CELF2: variants seen among roughly 807,000 people sequenced by gnomAD.
CELF2 encodes the protein CUG triplet repeat RNA-binding protein 2.
CELF2 carries 8 observed loss-of-function variants against 62.6 expected under a neutral mutation model. The observed-to-expected ratio is 0.13, with a 90% confidence interval of 0.07 to 0.23. The LOEUF is 0.23. CELF2 is among the 10% of genes least tolerant of loss of function. The pLI is 1.00. For missense variants in CELF2, 333 were observed against 671.0 expected (o/e 0.50, Z 5.56); for synonymous variants, 258 against 250.0 (o/e 1.03, Z -0.30).
In CELF2 at chr10:11,329,160, TTACCAAGAGAGACGGTTA is replaced by T; in HGVS notation, c.*109_*126del. On this transcript the variant is annotated 3_prime_UTR_variant, in exon 13 of 13. Coordinates refer to ENST00000633077, the MANE Select transcript of CELF2 (RefSeq NM_001326342.2). The surrounding 1 kb of genome is among the most constrained non-coding windows in gnomAD (Gnocchi z 5.5). The stretch of plus-strand genomic sequence containing the variant: ...CAGAGGAGGACCACATTGCCAACTT[TTACCAAGAGAGACGGTTA>T]TTTTTACAATAAGGCCTCCATGTCC... 8.3e-7 allele frequency: 1 copy of T among 1,206,708 alleles called. No individual in the cohort carries two copies. The highest frequency in any genetic ancestry group is 1.1e-6 in the Non-Finnish European group (1 of 880,920). The allele number at this position is 1,206,708 out of a possible 1,614,324, so 74.8% of individuals were successfully genotyped here.
chr10:10,717,243 G>A, the CELF2 span, among the ~76,000 whole-genome samples: 2 of 152,152 alleles, frequency 1.3e-5, no homozygotes, highest in African/African-American at 2.4e-5. Flanking sequence ...TTGTGAAGTA[G>A]CAATGGCTCA....
chr10:11,286,313 C>T (rs1317344148), intron 8 of CELF2, among the ~76,000 whole-genome samples: 1 of 152,218 alleles, frequency 6.6e-6, no homozygotes, highest in African/African-American at 2.4e-5. Context: ...TTAATCGGTG[C>T]CATATGCATA....
chr10:11,041,738 T>C lies in CELF2; in HGVS notation c.74+23575T>C, dbSNP rs1564486250. The stretch of plus-strand genomic sequence containing the variant: ...TTTTCATGCTGTGAATCCAGTGGGA[T>C]CTCTGATCCTTCCATCAGGACATAA... On this transcript the variant is annotated intron_variant, in intron 1 of 12. Transcript: ENST00000633077. Among the ~76,000 whole-genome samples the C allele has an allele frequency of 2.0e-5, 3 of 152,222 alleles. No individual in the cohort carries two copies. In the South Asian group the frequency reaches 6.2e-4, roughly 31 times the overall value.
intron 1 of CELF2, chr10:11,096,184 A>G (rs1477489056): frequency 6.6e-6 from 1 of 152,262 alleles, no homozygotes. Context: ...AATGCATTTC[A>G]GCAAGGTAAT....
chr10:10,843,431 C>CAT (rs2058813528), intron 1 of CELF2, among the ~76,000 whole-genome samples: 1 of 151,910 alleles, frequency 6.6e-6, no homozygotes, highest in Non-Finnish European at 1.5e-5. Flanking sequence ...GATAATGCTA[C>CAT]ATATTTCCCT....
the CELF2 span, among the ~76,000 whole-genome samples, chr10:10,484,397 A>C: frequency 7.7e-6 from 1 of 129,738 alleles, no homozygotes; most frequent in African/African-American, 3.0e-5. Flanking sequence ...GCTCATTGCA[A>C]CCTCTGCCCC....
chr10:10,961,132 G>A (rs1178550654), intron 2 of CELF2, among the ~76,000 whole-genome samples: 1 of 152,134 alleles, frequency 6.6e-6, no homozygotes, highest in Non-Finnish European at 1.5e-5. Flanking sequence ...GAAATTGGAA[G>A]GCATCTGTTG....
At chr10:10,601,356 G>C in the CELF2 span, among the ~76,000 whole-genome samples, 1 of 152,192 alleles carries the variant, frequency 6.6e-6, no homozygotes, top group Non-Finnish European at 1.5e-5. Flanking sequence ...GTTAGAAGAA[G>C]ATTTTAATGG....
the CELF2 span, among the ~76,000 whole-genome samples, chr10:10,572,533 A>G: frequency 4.0e-5 from 6 of 151,376 alleles, no homozygotes; most frequent in African/African-American, 1.2e-4. Context: ...ACAAGCCCCA[A>G]TGTGTGTTGT....
chr10:11,273,576 C>T (rs1364246925), intron 7 of CELF2, among the ~76,000 whole-genome samples: 1 of 152,160 alleles, frequency 6.6e-6, no homozygotes, highest in Non-Finnish European at 1.5e-5. Flanking sequence ...CTGCTTGGCG[C>T]TGTTACCTCA....
chr10:11,327,530 C>T (rs2095815491), intron 12 of CELF2, among the ~76,000 whole-genome samples: 1 of 152,114 alleles, frequency 6.6e-6, no homozygotes, highest in Non-Finnish European at 1.5e-5. Flanking sequence ...CTTAGGGCTG[C>T]CAGTCATAAG....
chr10:11,230,977 G>C (rs916985498), intron 3 of CELF2, among the ~76,000 whole-genome samples: 1 of 152,144 alleles, frequency 6.6e-6, no homozygotes, highest in African/African-American at 2.4e-5. Flanking sequence ...TGTGTCTCTT[G>C]CTATCCGCAG....
chr10:10,967,825 A>G (rs1365989186), intron 2 of CELF2, among the ~76,000 whole-genome samples: 3 of 152,298 alleles, frequency 2.0e-5, no homozygotes, highest in African/African-American at 7.2e-5. Context: ...TATGTCCTCC[A>G]CATAGACAGA....
At chr10:10,675,826 T>A in the CELF2 span, among the ~76,000 whole-genome samples, 1 of 152,172 alleles carries the variant, frequency 6.6e-6, no homozygotes, top group Non-Finnish European at 1.5e-5. Flanking sequence ...TCTTAGGATT[T>A]CCATCTCTTT....
chr10:11,089,914 A>T (rs1366574402), intron 1 of CELF2, among the ~76,000 whole-genome samples: 2 of 152,216 alleles, frequency 1.3e-5, no homozygotes, highest in African/African-American at 4.8e-5. Context: ...AAGTGAACTC[A>T]TGGAGAAACA....
intron 1 of CELF2, among the ~76,000 whole-genome samples, chr10:11,141,919 T>C (rs1223371386): frequency 6.6e-6 from 1 of 152,228 alleles, no homozygotes; most frequent in Non-Finnish European, 1.5e-5. Flanking sequence ...AGCTGACATA[T>C]TATTAATGAG....
At chr10:11,095,996 T>C (rs1595138375) in intron 1 of CELF2, among the ~76,000 whole-genome samples, 1 of 152,358 alleles carries the variant, frequency 6.6e-6, no homozygotes, top group East Asian at 1.9e-4. Flanking sequence ...TCTGGACACC[T>C]ACCTCGCATC....
intron 2 of CELF2, among the ~76,000 whole-genome samples, chr10:11,168,447 C>A (rs1173051866): frequency 6.6e-6 from 1 of 152,170 alleles, no homozygotes; most frequent in Non-Finnish European, 1.5e-5. Flanking sequence ...AGAGCAACAG[C>A]CCCCACTTTA....
intron 1 of CELF2, among the ~76,000 whole-genome samples, chr10:10,914,501 C>A (rs561471684): frequency 6.6e-6 from 1 of 152,262 alleles, no homozygotes; most frequent in Admixed American, 6.5e-5. Flanking sequence ...AAATAATCTA[C>A]CAAAACTGTG....
Sources: gnomAD v4.1 joint callset for allele counts (sites outside exome capture counted in the v4.1 genomes callset) on GRCh38, gnomAD v4.1.1 for gene constraint, Gnocchi (gnomAD v3.1) non-coding constraint, MANE v1.5 for transcripts, NCBI Gene and HGNC (gene_info 2026-07-23, HGNC 2026-07-21) for gene names.